The following SUGCT variants were observed in gnomAD, a reference collection of about 807,000 sequenced individuals.
SUGCT encodes succinyl-CoA:glutarate CoA-transferase.
Under a neutral mutation model 55.0 loss-of-function variants are expected in SUGCT, and 41 were observed. That is an observed-to-expected ratio of 0.74 (90% CI 0.58 to 0.97). The LOEUF (loss-of-function observed/expected upper bound fraction) is 0.97, where lower values mean the gene tolerates loss of function less well. Ranked by LOEUF, SUGCT falls within the 50% of genes least tolerant of loss-of-function variation. The probability of loss-of-function intolerance (pLI) is 0.00; values close to 1 mark genes in which losing one functional copy is unlikely to be tolerated. For synonymous variants in SUGCT, 187 were observed against 200.4 expected (o/e 0.93, Z 0.56); for missense variants, 568 against 547.8 (o/e 1.04, Z -0.37).
At chr7:40,489,247 GTT>G (rs34447989) in intron 11 of SUGCT, among the ~76,000 whole-genome samples, 1 of 134,794 alleles carries the variant, frequency 7.4e-6, no homozygotes, top group Non-Finnish European at 1.6e-5. Context: ...CTCTATTGCA[GTT>G]TTTTTTTTTT....
chr7:40,224,400 G>A (rs1038353346), intron 6 of SUGCT, among the ~76,000 whole-genome samples: 1 of 23,648 alleles, frequency 4.2e-5, no homozygotes, highest in African/African-American at 1.2e-4. Context: ...TAATCTGTGC[G>A]TGTGTGTGTG....
chr7:40,666,841 T>C (rs534046620), intron 12 of SUGCT, among the ~76,000 whole-genome samples: 87 of 152,288 alleles, frequency 5.7e-4, no homozygotes, highest in Non-Finnish European at 9.4e-4. Context: ...TGATGGATCA[T>C]GGACTCGCAA....
At chr7:40,917,366 A>G in the SUGCT span, among the ~76,000 whole-genome samples, 8 of 152,224 alleles carry the variant, frequency 5.3e-5, no homozygotes, top group Non-Finnish European at 1.2e-4. Flanking sequence ...TTAGGGTAGT[A>G]GGTTACTCTT....
At chr7:40,623,310 A>G (rs747976910) in intron 12 of SUGCT, among the ~76,000 whole-genome samples, 7 of 152,182 alleles carry the variant, frequency 4.6e-5, no homozygotes, top group Non-Finnish European at 1.0e-4. Flanking sequence ...AGTCATCCCC[A>G]GGATTTTAGA....
the SUGCT span, among the ~76,000 whole-genome samples, chr7:40,926,927 A>C: frequency 1.3e-5 from 2 of 152,230 alleles, no homozygotes; most frequent in African/African-American, 2.4e-5. Flanking sequence ...CAAGTTGTGA[A>C]GACTGATTCA....
chr7:40,622,528 G>GTTTTTT (rs370877783), intron 12 of SUGCT, among the ~76,000 whole-genome samples: 207 of 81,530 alleles, frequency 2.5e-3, no homozygotes, highest in East Asian at 5.3e-3. Flanking sequence ...TGTTGTGGTT[G>GTTTTTT]TTTTTTTTTT....
intron 12 of SUGCT, among the ~76,000 whole-genome samples, chr7:40,648,600 T>C (rs1053793496): frequency 3.9e-5 from 6 of 152,254 alleles, no homozygotes; most frequent in African/African-American, 1.2e-4. Flanking sequence ...AAGGTCATAG[T>C]TGATTAGGGT....
At chr7:40,256,059 A>T (rs1790793631) in intron 7 of SUGCT, among the ~76,000 whole-genome samples, 1 of 152,168 alleles carries the variant, frequency 6.6e-6, no homozygotes, top group Non-Finnish European at 1.5e-5. Flanking sequence ...ATTTATTGTC[A>T]TCTCATGAAA....
chr7:40,684,210 C>T, intron 12 of SUGCT: 1 of 1,494,284 alleles, frequency 6.7e-7, no homozygotes, highest in Non-Finnish European at 8.9e-7. Flanking sequence ...TTCTCCATAT[C>T]AAGGTTTGTG....
At chr7:40,366,034 C>G (rs2151236928) in intron 9 of SUGCT, among the ~76,000 whole-genome samples, 1 of 152,288 alleles carries the variant, frequency 6.6e-6, no homozygotes, top group East Asian at 1.9e-4. Context: ...CTACAGTTAC[C>G]AAAACAGCAT....
intron 12 of SUGCT, among the ~76,000 whole-genome samples, chr7:40,587,136 G>T (rs1424646250): frequency 6.6e-6 from 1 of 152,244 alleles, no homozygotes; most frequent in African/African-American, 2.4e-5. Flanking sequence ...GGAGCTGGCA[G>T]TGAAAGGCAG....
chr7:40,512,696 A>G lies in SUGCT; in HGVS notation c.1089+16310A>G, dbSNP rs188443032. Among the ~76,000 whole-genome samples, 540 of 152,118 alleles carry G rather than the reference A, an allele frequency of 3.5e-3. 1 individual carries two copies. The highest frequency in any genetic ancestry group is 0.01 in the Middle Eastern group (3 of 294). The stretch of plus-strand genomic sequence containing the variant: ...TAAGATGTTTGCTGGAAAATGTGGA[A>G]AATGTGGTGAAGGGGTAGGTACTTT... On this transcript the variant is annotated intron_variant, in intron 12 of 13. Coordinates refer to ENST00000335693, the MANE Select transcript of SUGCT (RefSeq NM_001193313.2).
intron 12 of SUGCT, among the ~76,000 whole-genome samples, chr7:40,672,410 G>A (rs2151872704): frequency 1.3e-5 from 2 of 152,316 alleles, no homozygotes; most frequent in South Asian, 4.1e-4. Context: ...TACCTGCAGT[G>A]ACTTGTATGG....
chr7:40,656,375 TG>T (rs1801019982), intron 12 of SUGCT, among the ~76,000 whole-genome samples: 1 of 152,034 alleles, frequency 6.6e-6, no homozygotes, highest in Admixed American at 6.5e-5. Context: ...AAACTATTTG[TG>T]GATATAGTAC....
intron 7 of SUGCT, among the ~76,000 whole-genome samples, chr7:40,251,947 A>T (rs995169772): frequency 5.3e-5 from 8 of 151,980 alleles, no homozygotes; most frequent in Admixed American, 2.6e-4. Context: ...AAAAAAAAAA[A>T]CAAAGAAATA....
the SUGCT span, among the ~76,000 whole-genome samples, chr7:40,953,955 G>A: frequency 6.6e-6 from 1 of 152,208 alleles, no homozygotes; most frequent in South Asian, 2.1e-4. Context: ...TCCATGCTGG[G>A]AGAACCACTA....
At chr7:40,288,990 C>A (rs181447549) in intron 8 of SUGCT, among the ~76,000 whole-genome samples, 17 of 152,236 alleles carry the variant, frequency 1.1e-4, no homozygotes, top group Admixed American at 1.1e-3. Context: ...CTTCCCCACT[C>A]ATGTTGAAAG....
the SUGCT span, among the ~76,000 whole-genome samples, chr7:40,875,783 G>C: frequency 6.6e-6 from 1 of 152,172 alleles, no homozygotes. Flanking sequence ...GGCAGTCCTA[G>C]TCTCCCTGCA....
intron 13 of SUGCT, among the ~76,000 whole-genome samples, chr7:40,777,916 T>A (rs1188575761): frequency 6.6e-6 from 1 of 152,146 alleles, no homozygotes; most frequent in Non-Finnish European, 1.5e-5. Context: ...ACTCTTCCCT[T>A]TCTTTCCCAG....
Sources: gnomAD v4.1 joint callset for allele counts (sites outside exome capture counted in the v4.1 genomes callset) on GRCh38, gnomAD v4.1.1 for gene constraint, MANE v1.5 for transcripts, NCBI Gene and HGNC (gene_info 2026-07-23, HGNC 2026-07-21) for gene names.